The following FER1L6 variants were observed in gnomAD, a reference collection of about 807,000 sequenced individuals.
FER1L6 encodes the protein fer-1 like family member 6, also known as fer-1-like protein 6.
In FER1L6, 177 loss-of-function variants were observed where a neutral mutation model predicts 219.2. The ratio of observed to expected loss-of-function variants is 0.81; its 90% CI spans 0.71 to 0.91. The LOEUF (loss-of-function observed/expected upper bound fraction) is 0.91. FER1L6 is among the 40% of genes least tolerant of loss of function. The pLI is 0.00. For missense variants in FER1L6, 2,153 were observed against 2,259.9 expected (o/e 0.95, Z 0.96); for synonymous variants, 768 against 824.3 (o/e 0.93, Z 1.17).
intron 1 of FER1L6, among the ~76,000 whole-genome samples, chr8:123,941,827 G>A (rs1460154484): frequency 1.3e-5 from 2 of 152,118 alleles, no homozygotes; most frequent in Non-Finnish European, 2.9e-5. Context: ...AGGGAAGGAG[G>A]CTTGGCTACC....
At chr8:123,954,268 C>T (rs942242562) in intron 1 of FER1L6, among the ~76,000 whole-genome samples, 6 of 152,122 alleles carry the variant, frequency 3.9e-5, no homozygotes, top group African/African-American at 1.4e-4. Context: ...TTCCCCTGGG[C>T]CAGTCCCCCC....
intron 1 of FER1L6, chr8:123,939,276 T>C (rs746207104): frequency 1.3e-5 from 11 of 848,406 alleles, no homozygotes; most frequent in Admixed American, 6.2e-5. Flanking sequence ...TAAATTTTAT[T>C]ACATATTGTT....
intron 35 of FER1L6, among the ~76,000 whole-genome samples, chr8:124,096,664 A>G (rs1822307538): frequency 1.3e-5 from 2 of 152,186 alleles, no homozygotes; most frequent in Non-Finnish European, 2.9e-5. Flanking sequence ...ACAGAACTTC[A>G]GATACACTTT....
At chr8:123,908,761 G>A (rs1813001992) in intron 1 of FER1L6, among the ~76,000 whole-genome samples, 1 of 152,170 alleles carries the variant, frequency 6.6e-6, no homozygotes, top group African/African-American at 2.4e-5. Flanking sequence ...AAGTTTAGGA[G>A]GACAGAGAGG....
intron 1 of FER1L6, among the ~76,000 whole-genome samples, chr8:123,903,070 G>GT (rs1166911096): frequency 4.6e-5 from 7 of 151,654 alleles, no homozygotes; most frequent in South Asian, 2.1e-4. Context: ...TTAGTAATTT[G>GT]TTTTTTTTAA....
In FER1L6 at chr8:123,986,134, C is replaced by T. The variant is rs758303803; in HGVS notation, c.1477C>T (p.Arg493Trp). ...ATTTTTTGAAGCTACCATGATTGAC[C>T]GGAAGATTGGAGATAAACCCATCAG... is the stretch of plus-strand genomic sequence containing the variant. ...GAFFEATMID[R>W]KIGDKPISFE... is the part of the protein sequence containing the mutation. The change falls in exon 12 of 41, where the codon CGG (arginine) becomes TGG (tryptophan). Residue 493 changes from arginine to tryptophan, a missense_variant. Transcript: ENST00000522917. The T allele has an allele frequency of 1.2e-5, 20 of 1,613,292 alleles. No homozygotes were observed. Among genetic ancestry groups the T allele is most frequent in the Middle Eastern group, 1.6e-4 (1 of 6,082 alleles).
At chr8:123,973,327 G>A in intron 6 of FER1L6, 107 bp from the exon 7 acceptor site, 1 of 850,960 alleles carries the variant, frequency 1.2e-6, no homozygotes, top group Non-Finnish European at 2.0e-6. Flanking sequence ...CTTGTGGTTT[G>A]ATGGCCAAAC....
chr8:123,855,127 T>A (rs1816608776), intron 1 of FER1L6, among the ~76,000 whole-genome samples: 1 of 152,134 alleles, frequency 6.6e-6, no homozygotes, highest in Admixed American at 6.6e-5. Flanking sequence ...TTCATATAAA[T>A]GGAATCGAAG....
Position 124,040,822 on chromosome 8 carries a change from T to C in FER1L6, c.2589+816T>C, listed in dbSNP as rs188332443. 180 of 152,276 alleles carry C rather than the reference T, an allele frequency of 1.2e-3. 1 individual carries two copies. Among genetic ancestry groups the C allele is most frequent in the African/African-American group, 4.1e-3 (169 of 41,540 alleles). 9.4% of individuals were successfully genotyped at this position (152,276 alleles called of 1,614,324 possible). On this transcript the variant is annotated intron_variant, in intron 20 of 40. Transcript: ENST00000522917. Reference sequence around the variant, plus strand: ...CCCTCCCATGACAGCCTATTAATCATAGATTAATCCATTTGTGAAGGCAGA... The same window carrying C: ...CCCTCCCATGACAGCCTATTAATCACAGATTAATCCATTTGTGAAGGCAGA...
chr8:124,035,846 C>T (rs1206976322), intron 19 of FER1L6, among the ~76,000 whole-genome samples: 1 of 152,198 alleles, frequency 6.6e-6, no homozygotes, highest in African/African-American at 2.4e-5. Context: ...TTTGACATAT[C>T]AACAGCAGAT....
chr8:124,068,950 T>A (rs1820945110), intron 28 of FER1L6, among the ~76,000 whole-genome samples: 1 of 151,452 alleles, frequency 6.6e-6, no homozygotes, highest in South Asian at 2.1e-4. Context: ...TTTTTTTTTT[T>A]TTCCGAGACG....
At chr8:123,904,224 TTGTGTGTGTG>T (rs56224402) in intron 1 of FER1L6, among the ~76,000 whole-genome samples, 4,481 of 139,458 alleles carry the variant, frequency 0.032, 157 homozygotes, top group African/African-American at 0.095. Flanking sequence ...CTCTGTATAT[TTGTGTGTGTG>T]TGTGTGTGTG....
chr8:123,855,681 ATGTGTGTG>A (rs368208328), intron 1 of FER1L6, among the ~76,000 whole-genome samples: 3 of 97,484 alleles, frequency 3.1e-5, no homozygotes, highest in Non-Finnish European at 6.7e-5. Context: ...TGAAAACCAT[ATGTGTGTG>A]TGTGTGTGTG....
chr8:123,923,031 T>C (rs759132991), intron 1 of FER1L6, among the ~76,000 whole-genome samples: 8 of 152,170 alleles, frequency 5.3e-5, no homozygotes, highest in Non-Finnish European at 8.8e-5. Flanking sequence ...GCCACATCCT[T>C]CCCTGTACTA....
At chr8:124,055,410 A>G in intron 22 of FER1L6, among the ~76,000 whole-genome samples, 1 of 152,206 alleles carries the variant, frequency 6.6e-6, no homozygotes, top group Non-Finnish European at 1.5e-5. Flanking sequence ...CATTCAATGA[A>G]CAAACATTCA....
intron 28 of FER1L6, 125 bp downstream of exon 28, chr8:124,067,931 T>A (rs2130857255): frequency 1.3e-6 from 1 of 742,712 alleles, no homozygotes; most frequent in East Asian, 2.7e-5. Context: ...TTAGAAACAA[T>A]CTCAGGAAGA....
intron 33 of FER1L6, among the ~76,000 whole-genome samples, chr8:124,084,651 G>C (rs1821709919): frequency 6.6e-6 from 1 of 152,076 alleles, no homozygotes; most frequent in African/African-American, 2.4e-5. Context: ...ACATGATGTT[G>C]AATTTGGTTT....
intron 34 of FER1L6, among the ~76,000 whole-genome samples, chr8:124,093,784 T>A (rs962502215): frequency 3.3e-5 from 5 of 151,636 alleles, no homozygotes; most frequent in Admixed American, 6.6e-5. Context: ...CCTTTATTTT[T>A]ATTACTTTAA....
intron 18 of FER1L6, among the ~76,000 whole-genome samples, chr8:124,024,523 C>T (rs1473223229): frequency 6.6e-6 from 1 of 152,128 alleles, no homozygotes; most frequent in East Asian, 1.9e-4. Flanking sequence ...CAAGTTGCTG[C>T]AAAAGACATT....
Sources: gnomAD v4.1 joint callset for allele counts (sites outside exome capture counted in the v4.1 genomes callset) on GRCh38, gnomAD v4.1.1 for gene constraint, MANE v1.5 for transcripts, NCBI Gene and HGNC (gene_info 2026-07-23, HGNC 2026-07-21) for gene names.